SUMF1: variants seen among roughly 807,000 people sequenced by gnomAD.
The protein encoded by SUMF1 is formylglycine-generating enzyme.
In SUMF1, 48 loss-of-function variants were observed where a neutral mutation model predicts 47.6. The observed-to-expected ratio is 1.01, with a 90% CI of 0.80 to 1.28. The LOEUF (loss-of-function observed/expected upper bound fraction) is 1.28. Ranked by LOEUF, SUMF1 falls within the 50% of genes most tolerant of loss-of-function variation. The pLI is 0.00. For missense variants in SUMF1, 571 were observed against 485.4 expected (o/e 1.18, Z -1.66); for synonymous variants, 230 against 192.1 (o/e 1.20, Z -1.63).
intron 9 of SUMF1, among the ~76,000 whole-genome samples, chr3:4,049,980 T>A: frequency 6.6e-6 from 1 of 151,962 alleles, no homozygotes; most frequent in East Asian, 1.9e-4. Flanking sequence ...TCTCTGACCA[T>A]CCCCAGCCAA....
chr3:4,456,582 G>C (rs1175969616), intron 1 of SUMF1, among the ~76,000 whole-genome samples: 1 of 145,046 alleles, frequency 6.9e-6, no homozygotes, highest in South Asian at 2.2e-4. Flanking sequence ...CTCCTGAGTA[G>C]CTGGGAGTAC....
At chr3:4,392,742 T>C (rs539347083) in intron 7 of SUMF1, among the ~76,000 whole-genome samples, 28 of 151,122 alleles carry the variant, frequency 1.9e-4, no homozygotes, top group African/African-American at 6.6e-4. Flanking sequence ...TTTTGTTCTG[T>C]TTTGTTTTGT....
At chr3:4,399,539 G>C (rs907572419) in intron 7 of SUMF1, among the ~76,000 whole-genome samples, 2 of 152,194 alleles carry the variant, frequency 1.3e-5, no homozygotes, top group African/African-American at 4.8e-5. Context: ...TGATGAGACA[G>C]AGCCCTATCT....
At position 4,092,732 on chromosome 3, in the gene SUMF1, T is replaced by C. The variant is rs544344553; in HGVS notation, c.1015-23987A>G. On this transcript the variant is annotated intron_variant and NMD_transcript_variant, in intron 8 of 12. Transcript: ENST00000448413. ...TGTGTGTATATCGGGGGTGGAGTAGTGTGTCATTTAGAACACAATCCAAGT... is the reference window on the plus strand; with the variant it reads ...TGTGTGTATATCGGGGGTGGAGTAGCGTGTCATTTAGAACACAATCCAAGT... Among the ~76,000 whole-genome samples, 36 of 152,232 alleles carry C rather than the reference T, an allele frequency of 2.4e-4. No individual in the cohort carries two copies. In the South Asian group the frequency reaches 5.8e-3, roughly 25 times the overall value.
intron 8 of SUMF1, among the ~76,000 whole-genome samples, chr3:4,323,298 T>C (rs970219647): frequency 3.3e-5 from 5 of 152,194 alleles, no homozygotes; most frequent in African/African-American, 9.7e-5. Flanking sequence ...CAGGTCACAT[T>C]TGTGGTATTC....
intron 7 of SUMF1, among the ~76,000 whole-genome samples, chr3:4,396,044 A>G (rs1007696639): frequency 3.9e-5 from 6 of 152,240 alleles, no homozygotes; most frequent in African/African-American, 1.2e-4. Context: ...GAAAGGTGGA[A>G]CTATTAACAC....
chr3:4,433,956 G>C (rs942463912), intron 3 of SUMF1, among the ~76,000 whole-genome samples: 3 of 152,216 alleles, frequency 2.0e-5, no homozygotes, highest in Non-Finnish European at 2.9e-5. Flanking sequence ...GTGAAAGCAG[G>C]GGTTCGAAGG....
At chr3:4,101,961 A>C (rs1290948311) in intron 8 of SUMF1, among the ~76,000 whole-genome samples, 1 of 152,106 alleles carries the variant, frequency 6.6e-6, no homozygotes, top group East Asian at 1.9e-4. Flanking sequence ...ACAGAGTGGC[A>C]GAAGAGCGAA....
chr3:4,113,206 T>C (rs1178695708), intron 8 of SUMF1, among the ~76,000 whole-genome samples: 13 of 152,112 alleles, frequency 8.5e-5, no homozygotes, highest in Non-Finnish European at 1.5e-5. Flanking sequence ...TTGGGAACGT[T>C]TCAAGATCTC....
At chr3:4,252,853 G>GT (rs1397768053) in intron 8 of SUMF1, among the ~76,000 whole-genome samples, 11 of 152,034 alleles carry the variant, frequency 7.2e-5, no homozygotes, top group African/African-American at 2.4e-4. Context: ...ATTTGCACCT[G>GT]TTTTTAATAT....
intron 8 of SUMF1, among the ~76,000 whole-genome samples, chr3:4,167,103 G>A (rs1374249190): frequency 1.3e-5 from 2 of 152,092 alleles, no homozygotes; most frequent in African/African-American, 2.4e-5. Flanking sequence ...GTTCCTTCTG[G>A]TGGGTTCATG....
At chr3:4,128,293 T>A (rs892605005) in intron 8 of SUMF1, among the ~76,000 whole-genome samples, 4 of 152,108 alleles carry the variant, frequency 2.6e-5, no homozygotes, top group Non-Finnish European at 2.9e-5. Flanking sequence ...AGGGCATTGA[T>A]TGGAAAAATA....
intron 7 of SUMF1, among the ~76,000 whole-genome samples, chr3:4,399,852 G>A (rs1482178362): frequency 1.3e-5 from 2 of 152,126 alleles, no homozygotes; most frequent in Non-Finnish European, 2.9e-5. Context: ...CTGCCTCCTA[G>A]GTTCAAGTGA....
intron 8 of SUMF1, among the ~76,000 whole-genome samples, chr3:4,334,535 G>C (rs1699108118): frequency 6.6e-6 from 1 of 152,210 alleles, no homozygotes; most frequent in African/African-American, 2.4e-5. Context: ...CTTCTCAACT[G>C]ACTGTCCACA....
At chr3:4,103,765 C>A (rs1219143621) in intron 8 of SUMF1, among the ~76,000 whole-genome samples, 1 of 152,070 alleles carries the variant, frequency 6.6e-6, no homozygotes, top group African/African-American at 2.4e-5. Flanking sequence ...ATGATTACGT[C>A]CTCTCTACAG....
intron 7 of SUMF1, among the ~76,000 whole-genome samples, chr3:4,397,289 A>G (rs1225766604): frequency 1.3e-5 from 2 of 152,218 alleles, no homozygotes; most frequent in African/African-American, 4.8e-5. Context: ...ACCACCACCA[A>G]CACAGGGTAC....
chr3:4,183,430 A>C (rs1695137186), intron 8 of SUMF1, among the ~76,000 whole-genome samples: 1 of 152,156 alleles, frequency 6.6e-6, no homozygotes, highest in African/African-American at 2.4e-5. Context: ...TTTTCTTATT[A>C]TATAATTACT....
intron 8 of SUMF1, among the ~76,000 whole-genome samples, chr3:4,343,435 A>G (rs761579988): frequency 6.6e-6 from 1 of 152,226 alleles, no homozygotes; most frequent in Non-Finnish European, 1.5e-5. Flanking sequence ...TGATTTCATT[A>G]ACAGTGAGTC....
chr3:4,241,353 A>G (rs1210356274), intron 8 of SUMF1, among the ~76,000 whole-genome samples: 2 of 152,138 alleles, frequency 1.3e-5, no homozygotes, highest in Non-Finnish European at 2.9e-5. Context: ...TACCCAAATA[A>G]TATGTATGCT....
Sources: gnomAD v4.1 joint callset for allele counts (sites outside exome capture counted in the v4.1 genomes callset) on GRCh38, gnomAD v4.1.1 for gene constraint, MANE v1.5 for transcripts, NCBI Gene and HGNC (gene_info 2026-07-23, HGNC 2026-07-21) for gene names.